Variants in SRCIN1 observed in about 807,000 individuals in gnomAD.
SRCIN1 encodes P130Cas-associated protein.
SRCIN1 carries 50 observed loss-of-function variants against 116.2 expected under a neutral mutation model. That is an observed-to-expected ratio of 0.43 (90% confidence interval 0.34 to 0.54). The LOEUF (loss-of-function observed/expected upper bound fraction) is 0.54, where lower values mean the gene tolerates loss of function less well. Among genes scored for constraint, SRCIN1 ranks in the 20% least tolerant of loss-of-function variants. The probability of loss-of-function intolerance (pLI) is 0.02; values close to 1 mark genes in which losing one functional copy is unlikely to be tolerated. For synonymous variants in SRCIN1, 736 were observed against 750.0 expected, an observed-to-expected ratio of 0.98 and a Z score of 0.30; for missense variants, 1,446 against 1,672.0, an observed-to-expected ratio of 0.86 and a Z score of 2.36.
At position 38,530,366 on chromosome 17, in the gene SRCIN1, G is replaced by A. The variant is rs1169184432; in HGVS notation, c.*2931C>T. On this transcript the variant is annotated 3_prime_UTR_variant, in exon 19 of 19. Coordinates refer to ENST00000617146, the MANE Select transcript of SRCIN1 (RefSeq NM_025248.3). ...AAACAGCATATTGTGGAAGGGGCAG[G>A]AAATCCCCCATGCGAGTAACACAGC... 2 of 152,160 alleles carry A rather than the reference G, an allele frequency of 1.3e-5. No homozygotes were observed. Among genetic ancestry groups the A allele is most frequent in the African/African-American group, 4.8e-5 (2 of 41,416 alleles). The allele number at this position is 152,160 out of a possible 1,614,324, so 9.4% of individuals were successfully genotyped here. A position where few individuals can be genotyped will look rare whatever the true frequency, so the allele number is the denominator to read the frequency against.
chr17:38,542,912 G>C (rs1173502456), intron 18 of SRCIN1: 5 of 360,500 alleles, frequency 1.4e-5, no homozygotes, highest in East Asian at 7.4e-5. Flanking sequence ...CTTTAAGTGA[G>C]AGCATCTGGA....
chr17:38,560,473 TC>T, intron 7 of SRCIN1, 48 bp from the exon 8 acceptor site: 1 of 1,475,998 alleles, frequency 6.8e-7, no homozygotes, highest in Non-Finnish European at 9.3e-7. Flanking sequence ...GCATAGGGTC[TC>T]TCCTGCCCAG....
At chr17:38,594,832 T>C (rs1908636500) in intron 1 of SRCIN1, among the ~76,000 whole-genome samples, 3 of 152,100 alleles carry the variant, frequency 2.0e-5, no homozygotes, top group Admixed American at 1.3e-4. Context: ...GGCCCAGATT[T>C]TGGGGGGCGG....
intron 18 of SRCIN1, among the ~76,000 whole-genome samples, chr17:38,538,183 C>T (rs1315328673): frequency 1.3e-5 from 2 of 151,844 alleles, no homozygotes; most frequent in Non-Finnish European, 2.9e-5. Flanking sequence ...CACTGGGAGG[C>T]TGAGGTGGGC....
chr17:38,552,343 C>T lies in SRCIN1; in HGVS notation c.2480+104G>A, dbSNP rs1457868621. 4.4e-5 allele frequency: 65 copies of T among 1,470,222 alleles called. No individual in the cohort carries two copies. The highest frequency in any genetic ancestry group is 2.5e-4 in the Middle Eastern group (1 of 4,046). The allele number at this position is 1,470,222 out of a possible 1,614,324, so 91.1% of individuals were successfully genotyped here. On this transcript the variant is annotated intron_variant, in intron 13 of 18. Transcript: ENST00000617146. This position sits in a 1 kb window ranked among gnomAD's most constrained non-coding sequence, Gnocchi z 5.3. ...AGCTGAGGTGCCAGTCCAGTCGGCA[C>T]GCCAGTGACCTTTGGGGGAGTTGGG... is the stretch of plus-strand genomic sequence containing the variant.
intron 1 of SRCIN1, among the ~76,000 whole-genome samples, chr17:38,593,869 C>T (rs1421119935): frequency 6.6e-6 from 1 of 152,258 alleles, no homozygotes; most frequent in African/African-American, 2.4e-5. Context: ...CCACCCCCTA[C>T]ACCCTCACTA....
intron 1 of SRCIN1, among the ~76,000 whole-genome samples, chr17:38,589,668 G>T (rs2471629): frequency 2.0e-5 from 3 of 152,014 alleles, no homozygotes; most frequent in Non-Finnish European, 1.5e-5. Flanking sequence ...TAGGTGCTCA[G>T]CGCCTCCACC....
At chr17:38,559,364 A>C in intron 10 of SRCIN1, 47 of 561,278 alleles carry the variant, frequency 8.4e-5, no homozygotes, top group East Asian at 1.3e-4. Flanking sequence ...CGGGCGAGGG[A>C]TAAGGCCTTG....
At chr17:38,597,944 T>C (rs1376030273) in intron 1 of SRCIN1, among the ~76,000 whole-genome samples, 3 of 152,226 alleles carry the variant, frequency 2.0e-5, no homozygotes, top group East Asian at 3.9e-4. Flanking sequence ...TAGGTTTTCC[T>C]GAGCTTTATC....
At chr17:38,534,669 T>A (rs116042140) in intron 18 of SRCIN1, among the ~76,000 whole-genome samples, 1 of 152,168 alleles carries the variant, frequency 6.6e-6, no homozygotes, top group African/African-American at 2.4e-5. Context: ...AGCTAGAGTC[T>A]AAAGCAAGCC....
At chr17:38,581,770 G>A (rs1907837015) in intron 1 of SRCIN1, among the ~76,000 whole-genome samples, 1 of 152,240 alleles carries the variant, frequency 6.6e-6, no homozygotes, top group African/African-American at 2.4e-5. Flanking sequence ...GCAACCCACA[G>A]TGGCCAGAAG....
intron 1 of SRCIN1, among the ~76,000 whole-genome samples, chr17:38,600,656 C>T (rs1471369655): frequency 6.6e-6 from 1 of 152,242 alleles, no homozygotes; most frequent in East Asian, 1.9e-4. Flanking sequence ...AGAGGGCTAG[C>T]AGGCCCTGGA....
intron 1 of SRCIN1, among the ~76,000 whole-genome samples, chr17:38,596,210 G>A (rs541382325): frequency 6.6e-6 from 1 of 152,356 alleles, no homozygotes; most frequent in Non-Finnish European, 1.5e-5. Context: ...GAGAGAGGAG[G>A]GGGCCGGGGC....
Position 38,572,265 on chromosome 17 carries a change from G to A in SRCIN1, c.325-4034C>T, listed in dbSNP as rs2143275259. Among the ~76,000 whole-genome samples, 1 of 151,454 alleles carries A rather than the reference G, an allele frequency of 6.6e-6. No homozygotes were observed. The highest frequency in any genetic ancestry group is 2.0e-4 in the East Asian group (1 of 5,078). On this transcript the variant is annotated intron_variant, in intron 2 of 18. Coordinates refer to ENST00000617146, the MANE Select transcript of SRCIN1 (RefSeq NM_025248.3). This position sits in a 1 kb window ranked among gnomAD's most constrained non-coding sequence, Gnocchi z 4.3. ...GGGGCTAAGCCACTCGCCCCTCCTCGGGCGCCTGCCCCCACCGCGATGTAC... is the reference window on the plus strand; with the variant it reads ...GGGGCTAAGCCACTCGCCCCTCCTCAGGCGCCTGCCCCCACCGCGATGTAC...
intron 17 of SRCIN1, 103 bp downstream of exon 17, chr17:38,548,454 G>A (rs760047400): frequency 1.0e-5 from 15 of 1,436,126 alleles, no homozygotes; most frequent in East Asian, 6.9e-5. Flanking sequence ...CAGGGAGCCC[G>A]AGAGCCCATC....
intron 1 of SRCIN1, among the ~76,000 whole-genome samples, chr17:38,593,824 C>G (rs753088412): frequency 6.6e-6 from 1 of 152,172 alleles, no homozygotes; most frequent in East Asian, 1.9e-4. Flanking sequence ...GGGCTGACCC[C>G]GGTGTCCACT....
intron 1 of SRCIN1, among the ~76,000 whole-genome samples, chr17:38,599,316 CT>C (rs1219902511): frequency 6.6e-6 from 1 of 152,186 alleles, no homozygotes; most frequent in Admixed American, 6.5e-5. Flanking sequence ...CAATTTACTT[CT>C]TTGCCCTAAG....
chr17:38,579,339 A>G (rs1369037477), intron 1 of SRCIN1, among the ~76,000 whole-genome samples: 1 of 152,134 alleles, frequency 6.6e-6, no homozygotes, highest in African/African-American at 2.4e-5. Context: ...GCCGGCTGGG[A>G]AAAGGGCCAG....
chr17:38,606,272 A>C (rs1909364845), upstream of SRCIN1, among the ~76,000 whole-genome samples: 1 of 151,092 alleles, frequency 6.6e-6, no homozygotes. The surrounding 1 kb of genome is among the most constrained non-coding windows in gnomAD (Gnocchi z 5.2). Context: ...AAGCGGGGAC[A>C]CTTGGAGGGT....
Sources: gnomAD v4.1 joint callset for allele counts (sites outside exome capture counted in the v4.1 genomes callset) on GRCh38, gnomAD v4.1.1 for gene constraint, Gnocchi (gnomAD v3.1) non-coding constraint, MANE v1.5 for transcripts, NCBI Gene and HGNC (gene_info 2026-07-23, HGNC 2026-07-21) for gene names.